The following TRHDE variants were observed in gnomAD, a reference collection of about 807,000 sequenced individuals.
TRHDE encodes the protein thyrotropin releasing hormone degrading enzyme.
TRHDE carries 72 observed loss-of-function variants against 125.7 expected under a neutral mutation model. The observed-to-expected ratio is 0.57, with a 90% CI of 0.47 to 0.70. The LOEUF (loss-of-function observed/expected upper bound fraction) is 0.70, where lower values mean the gene tolerates loss of function less well. TRHDE is among the 30% of genes least tolerant of loss of function. The pLI, the probability that TRHDE is intolerant of heterozygous loss-of-function variation, is 0.00. For synonymous variants in TRHDE, 509 were observed against 509.1 expected (o/e 1.00, Z 0.00); for missense variants, 1,110 against 1,327.1 (o/e 0.84, Z 2.54).
At chr12:72,581,104 AG>A (rs1871204056) in intron 12 of TRHDE, among the ~76,000 whole-genome samples, 1 of 152,256 alleles carries the variant, frequency 6.6e-6, no homozygotes, top group Admixed American at 6.5e-5. Context: ...CTATTACAGC[AG>A]CAATGCCTCA....
rs869290442 is a variant in TRHDE at position 72,097,440 on chromosome 12, ATTTTTTTTTTTTTTT to A, written n.175-8195_175-8181del. Among the ~76,000 whole-genome samples the A allele has an allele frequency of 3.7e-4, 8 of 21,654 alleles. No homozygotes were observed. In the East Asian group the frequency reaches 0.01, roughly 27 times the overall value. The allele number at this position is 21,654 out of a possible 152,430, so 14.2% of individuals were successfully genotyped here. ...CCTTGCAGTAGCATTTTCTCACTGA[ATTTTTTTTTTTTTTT>A]TTTTTTTTTTTTAGACAGAGTTTTG... On this transcript the variant is annotated intron_variant and non_coding_transcript_variant, in intron 1 of 4. Transcript: ENST00000548156.
At position 72,185,151 on chromosome 12, in the gene TRHDE, C is replaced by G. The variant is rs999684129; in HGVS notation, n.279+79399C>G. Among the ~76,000 whole-genome samples the G allele has an allele frequency of 7.9e-5, 12 of 152,328 alleles. No individual in the cohort carries two copies. The South Asian group carries it at 2.3e-3, about 29-fold the overall frequency. Reference sequence around the variant, plus strand: ...ACTCGCACTCGGAGCAGCCGGCCAGCCCTGCTGGCCCCGGGCAATGAGGGA... The same window carrying G: ...ACTCGCACTCGGAGCAGCCGGCCAGGCCTGCTGGCCCCGGGCAATGAGGGA... On this transcript the variant is annotated intron_variant and non_coding_transcript_variant, in intron 2 of 4. Transcript: ENST00000548156.
At chr12:72,558,940 T>G (rs1209141289) in intron 7 of TRHDE, among the ~76,000 whole-genome samples, 1 of 152,106 alleles carries the variant, frequency 6.6e-6, no homozygotes, top group Non-Finnish European at 1.5e-5. Context: ...TGGATTTGGG[T>G]AGGCACAGGC....
intron 12 of TRHDE, among the ~76,000 whole-genome samples, chr12:72,581,969 G>A (rs1025455984): frequency 2.6e-5 from 4 of 151,914 alleles, no homozygotes; most frequent in Non-Finnish European, 5.9e-5. Context: ...GGGCAAGGTG[G>A]CAGGCGCCTG....
chr12:72,499,144 T>C (rs1029059498), intron 5 of TRHDE, among the ~76,000 whole-genome samples: 1 of 152,182 alleles, frequency 6.6e-6, no homozygotes, highest in African/African-American at 2.4e-5. Flanking sequence ...ACTGGAATTA[T>C]AATGTTTACC....
At chr12:72,226,495 G>A (rs143262099) in intron 2 of TRHDE, among the ~76,000 whole-genome samples, 19 of 152,166 alleles carry the variant, frequency 1.2e-4, no homozygotes, top group African/African-American at 2.4e-4. Flanking sequence ...TAACTGCAGC[G>A]TATTTGAATG....
intron 1 of TRHDE, among the ~76,000 whole-genome samples, chr12:72,101,884 C>A (rs945686423): frequency 6.6e-6 from 1 of 152,162 alleles, no homozygotes; most frequent in Non-Finnish European, 1.5e-5. Context: ...TATAATTTTT[C>A]ACTTTGAATT....
At chr12:72,632,731 C>CA (rs35575828) in intron 15 of TRHDE, among the ~76,000 whole-genome samples, 18,510 of 127,322 alleles carry the variant, frequency 0.15, 1,770 homozygotes, top group African/African-American at 0.28. Flanking sequence ...AACATTGGAC[C>CA]AAAAAAAAAA....
At chr12:72,350,703 G>A (rs1870543151) in intron 2 of TRHDE, among the ~76,000 whole-genome samples, 1 of 151,938 alleles carries the variant, frequency 6.6e-6, no homozygotes, top group Admixed American at 6.6e-5. Context: ...GAAAAAATAG[G>A]GGTACAGATA....
At chr12:72,559,039 G>A (rs1363546316) in intron 7 of TRHDE, among the ~76,000 whole-genome samples, 1 of 152,090 alleles carries the variant, frequency 6.6e-6, no homozygotes, top group Non-Finnish European at 1.5e-5. Context: ...AATGTGTTGT[G>A]TGGATTGAAT....
intron 2 of TRHDE, among the ~76,000 whole-genome samples, chr12:72,240,096 G>A (rs1274452216): frequency 5.9e-5 from 9 of 152,004 alleles, no homozygotes; most frequent in African/African-American, 1.9e-4. Flanking sequence ...AAAAATCTAT[G>A]TGTTCTTTTA....
At chr12:72,096,682 C>T (rs1874930551) in intron 1 of TRHDE, among the ~76,000 whole-genome samples, 1 of 152,200 alleles carries the variant, frequency 6.6e-6, no homozygotes, top group Non-Finnish European at 1.5e-5. Context: ...AGTTAGAGCA[C>T]TTTCACTCAT....
At chr12:72,381,289 T>C (rs1294184325) in intron 3 of TRHDE, among the ~76,000 whole-genome samples, 2 of 152,136 alleles carry the variant, frequency 1.3e-5, no homozygotes, top group Non-Finnish European at 2.9e-5. Context: ...GATAAGAGGC[T>C]ATGGCAAAAT....
intron 2 of TRHDE, among the ~76,000 whole-genome samples, chr12:72,332,748 C>T (rs113144141): frequency 1.3e-5 from 2 of 152,352 alleles, no homozygotes; most frequent in African/African-American, 4.8e-5. Context: ...AGAGACACTG[C>T]TCTCAGAGAC....
In TRHDE at chr12:72,414,969, G is replaced by A. The variant is rs551540165; in HGVS notation, c.1315+36848G>A. ...CATCATTAGTAAGGGACTAAACAAG[G>A]ATTTGAGTTTAGTTATATTTATCTG... is the stretch of plus-strand genomic sequence containing the variant. On this transcript the variant is annotated intron_variant, in intron 3 of 18. Transcript: ENST00000261180. 1.9e-3 allele frequency among the ~76,000 whole-genome samples: 283 copies of A among 152,192 alleles called. 1 individual carries two copies. Among genetic ancestry groups the A allele is most frequent in the African/African-American group, 6.0e-3 (249 of 41,556 alleles).
intron 2 of TRHDE, among the ~76,000 whole-genome samples, chr12:72,262,099 A>G (rs1037780789): frequency 1.3e-5 from 2 of 152,212 alleles, no homozygotes; most frequent in Non-Finnish European, 2.9e-5. Flanking sequence ...GGTTGGCAGT[A>G]GCAGGCAAAG....
At position 72,377,304 on chromosome 12, in the gene TRHDE, C is replaced by CTT. The variant is rs200021223; in HGVS notation, c.1189-678_1189-677dup. ...TCAGTTTCATGTTACTTGCTTTAGGCTTTTTTTTTTTTTTGGCCAAGGACT... is the reference window on the plus strand; with the variant it reads ...TCAGTTTCATGTTACTTGCTTTAGGCTTTTTTTTTTTTTTTTGGCCAAGGACT... On this transcript the variant is annotated intron_variant, in intron 2 of 18. Coordinates refer to ENST00000261180, the MANE Select transcript of TRHDE (RefSeq NM_013381.3). Among the ~76,000 whole-genome samples, 11 of 130,410 alleles carry CTT rather than the reference C, an allele frequency of 8.4e-5. No individual in the cohort carries two copies. In the South Asian group the frequency reaches 1.5e-3, roughly 18 times the overall value. 85.6% of individuals were successfully genotyped at this position (130,410 alleles called of 152,430 possible).
At chr12:72,287,086 TGGG>T (rs1158667762) in intron 2 of TRHDE, 132 bp downstream of exon 2, 5 of 992,860 alleles carry the variant, frequency 5.0e-6, no homozygotes, top group Non-Finnish European at 7.2e-6. Context: ...TTAATTCTTA[TGGG>T]GGGGTTTTTA....
At chr12:72,220,280 T>C (rs1352280445) in intron 2 of TRHDE, among the ~76,000 whole-genome samples, 1 of 152,176 alleles carries the variant, frequency 6.6e-6, no homozygotes, top group East Asian at 1.9e-4. Flanking sequence ...TCTTAATGCT[T>C]GTTTTGGTCA....
Sources: allele counts gnomAD v4.1 joint callset (sites outside exome capture counted in the v4.1 genomes callset), GRCh38; gene constraint gnomAD v4.1.1; transcripts MANE v1.5; gene names NCBI Gene and HGNC (gene_info 2026-07-23, HGNC 2026-07-21).